The following ATP8A2 variants were observed in gnomAD, a reference collection of about 807,000 sequenced individuals.
The protein encoded by ATP8A2 is ATPase phospholipid transporting 8A2, also known as phospholipid-transporting ATPase IB.
In ATP8A2, 100 loss-of-function variants were observed where a neutral mutation model predicts 165.6. The ratio of observed to expected loss-of-function variants is 0.60; its 90% CI spans 0.51 to 0.71. ATP8A2 has a LOEUF of 0.71. Ranked by LOEUF, ATP8A2 falls within the 30% of genes least tolerant of loss-of-function variation. The pLI, the probability that ATP8A2 is intolerant of heterozygous loss-of-function variation, is 0.00. For synonymous variants in ATP8A2, 543 were observed against 548.8 expected (o/e 0.99, Z 0.15); for missense variants, 1,227 against 1,479.5 (o/e 0.83, Z 2.80).
chr13:25,465,976 C>T (rs1032374878), intron 1 of ATP8A2, among the ~76,000 whole-genome samples: 20 of 151,764 alleles, frequency 1.3e-4, no homozygotes, highest in Non-Finnish European at 2.4e-4. Context: ...TCCCAACCTC[C>T]ATTTAATTCA....
At chr13:25,991,597 G>A (rs548631355) in intron 35 of ATP8A2, among the ~76,000 whole-genome samples, 2 of 152,266 alleles carry the variant, frequency 1.3e-5, no homozygotes, top group East Asian at 1.9e-4. Context: ...ATCTTATAAC[G>A]TGTAACCTTT....
At chr13:25,440,073 A>T (rs1012955588) in intron 1 of ATP8A2, among the ~76,000 whole-genome samples, 2 of 151,916 alleles carry the variant, frequency 1.3e-5, no homozygotes, top group Admixed American at 1.3e-4. Context: ...TTCTTATATG[A>T]TCTGGAGGGG....
intron 33 of ATP8A2, among the ~76,000 whole-genome samples, chr13:25,932,477 G>A (rs1006373969): frequency 6.6e-6 from 1 of 152,192 alleles, no homozygotes; most frequent in Non-Finnish European, 1.5e-5. Context: ...TGTAGCTGCT[G>A]TAGCAAAAGA....
chr13:25,678,705 C>T (rs1437534378), intron 24 of ATP8A2, among the ~76,000 whole-genome samples: 2 of 152,126 alleles, frequency 1.3e-5, no homozygotes, highest in African/African-American at 4.8e-5. Flanking sequence ...GCTGGAAAGC[C>T]CTACCTTGGA....
rs374818550 is a variant in ATP8A2 at position 25,876,995 on chromosome 13, T to C, written c.3183+14587T>C. ...AAAATCAAGAAGCAACTTTAAATAATTAACAAACTTGTCTACTTGGGGATT... is the reference window on the plus strand; with the variant it reads ...AAAATCAAGAAGCAACTTTAAATAACTAACAAACTTGTCTACTTGGGGATT... On this transcript the variant is annotated intron_variant, in intron 33 of 36. Transcript: ENST00000381655. Among the ~76,000 whole-genome samples, 22 of 152,206 alleles carry C rather than the reference T, an allele frequency of 1.4e-4. 1 individual carries two copies. The South Asian group carries it at 4.1e-3, about 29-fold the overall frequency.
chr13:25,520,751 G>A (rs965387818), intron 2 of ATP8A2, among the ~76,000 whole-genome samples: 2 of 151,460 alleles, frequency 1.3e-5, no homozygotes, highest in Non-Finnish European at 2.9e-5. Context: ...ACAGGTGCCC[G>A]CCACCACACC....
intron 33 of ATP8A2, among the ~76,000 whole-genome samples, chr13:25,865,618 A>G (rs974508305): frequency 1.3e-5 from 2 of 152,340 alleles, no homozygotes; most frequent in African/African-American, 4.8e-5. Flanking sequence ...AGGAAGGGCT[A>G]TAGAATTGAA....
chr13:25,708,075 T>G (rs1294247313), intron 25 of ATP8A2, among the ~76,000 whole-genome samples: 5 of 152,342 alleles, frequency 3.3e-5, no homozygotes, highest in African/African-American at 1.2e-4. Context: ...GAATGATTAC[T>G]TCATCAGTGC....
chr13:25,709,602 G>A (rs1336814202), intron 25 of ATP8A2, among the ~76,000 whole-genome samples: 1 of 152,132 alleles, frequency 6.6e-6, no homozygotes, highest in Non-Finnish European at 1.5e-5. Flanking sequence ...ATACATTTAA[G>A]CTCAATGTTT....
intron 33 of ATP8A2, among the ~76,000 whole-genome samples, chr13:25,909,167 G>A (rs1954033638): frequency 6.6e-6 from 1 of 152,130 alleles, no homozygotes; most frequent in African/African-American, 2.4e-5. Context: ...AAATGCTGGT[G>A]TTCTATTGCA....
chr13:25,974,055 T>C (rs1436200120), intron 35 of ATP8A2, among the ~76,000 whole-genome samples: 1 of 152,080 alleles, frequency 6.6e-6, no homozygotes. Context: ...TCCAGCTGCA[T>C]TTTTTTTCCT....
chr13:25,711,716 G>C (rs2043163141), intron 25 of ATP8A2, among the ~76,000 whole-genome samples: 1 of 152,202 alleles, frequency 6.6e-6, no homozygotes, highest in Non-Finnish European at 1.5e-5. Flanking sequence ...GTAGGTGTTA[G>C]AAAGAAAAGT....
intron 27 of ATP8A2, among the ~76,000 whole-genome samples, chr13:25,804,740 C>T (rs191777106): frequency 6.6e-6 from 1 of 152,150 alleles, no homozygotes; most frequent in East Asian, 1.9e-4. Flanking sequence ...TTCTGGGTGC[C>T]GAGCTGCCAC....
intron 14 of ATP8A2, among the ~76,000 whole-genome samples, 153 bp downstream of exon 14, chr13:25,559,214 A>G (rs1021340425): frequency 3.3e-5 from 5 of 152,226 alleles, no homozygotes; most frequent in African/African-American, 1.2e-4. Context: ...ATGGATCCCA[A>G]ATTAAACTCT....
chr13:25,665,282 TG>T (rs911551432), intron 24 of ATP8A2, among the ~76,000 whole-genome samples: 33 of 152,268 alleles, frequency 2.2e-4, no homozygotes, highest in Admixed American at 2.0e-3. Flanking sequence ...TCAACTTTTT[TG>T]AGTGGTATTT....
chr13:25,903,049 G>A (rs904524118), intron 33 of ATP8A2, among the ~76,000 whole-genome samples: 4 of 151,968 alleles, frequency 2.6e-5, no homozygotes, highest in African/African-American at 9.7e-5. Flanking sequence ...CTGGGAGGCG[G>A]AGGTTGCAGT....
intron 33 of ATP8A2, among the ~76,000 whole-genome samples, chr13:25,862,668 C>A (rs1265842401): frequency 6.6e-6 from 1 of 152,158 alleles, no homozygotes; most frequent in Non-Finnish European, 1.5e-5. Context: ...TATTGGCATG[C>A]CCACATTTCC....
intron 35 of ATP8A2, among the ~76,000 whole-genome samples, chr13:25,994,815 A>G (rs1956464544): frequency 6.6e-6 from 1 of 152,102 alleles, no homozygotes; most frequent in African/African-American, 2.4e-5. Flanking sequence ...TTTGTAAGGT[A>G]CATTGGACTG....
At chr13:25,374,452 T>C (rs1194723398) in intron 1 of ATP8A2, among the ~76,000 whole-genome samples, 1 of 152,112 alleles carries the variant, frequency 6.6e-6, no homozygotes, top group Non-Finnish European at 1.5e-5. Context: ...GATCGAGTGG[T>C]AGCTGGAGGA....
Sources: allele counts gnomAD v4.1 joint callset (sites outside exome capture counted in the v4.1 genomes callset), GRCh38; gene constraint gnomAD v4.1.1; transcripts MANE v1.5; gene names NCBI Gene and HGNC (gene_info 2026-07-23, HGNC 2026-07-21).